TMEM117: variants seen among roughly 807,000 people sequenced by gnomAD.
TMEM117 encodes transmembrane protein 117.
In TMEM117, 27 loss-of-function variants were observed where a neutral mutation model predicts 52.4. The observed-to-expected ratio is 0.51, with a 90% CI of 0.38 to 0.71. TMEM117 has a LOEUF of 0.71. TMEM117 is among the 30% of genes least tolerant of loss of function. The pLI is 0.00. For missense variants in TMEM117, 556 were observed against 630.5 expected (o/e 0.88, Z 1.26); for synonymous variants, 215 against 206.3 (o/e 1.04, Z -0.36).
intron 6 of TMEM117, among the ~76,000 whole-genome samples, chr12:44,315,104 C>A (rs952516316): frequency 1.3e-5 from 2 of 152,014 alleles, no homozygotes; most frequent in African/African-American, 4.8e-5. Flanking sequence ...TGTAATATCA[C>A]CTTTGTTGTT....
At chr12:43,969,011 G>A (rs1417231066) in intron 3 of TMEM117, among the ~76,000 whole-genome samples, 2 of 149,084 alleles carry the variant, frequency 1.3e-5, no homozygotes, top group South Asian at 2.1e-4. Flanking sequence ...TATTGTAAGC[G>A]GAAATATAAA....
At chr12:44,254,901 A>G (rs961808160) in intron 5 of TMEM117, among the ~76,000 whole-genome samples, 1 of 151,696 alleles carries the variant, frequency 6.6e-6, no homozygotes, top group Non-Finnish European at 1.5e-5. Context: ...GAGTGAGAAC[A>G]TGCGGTGTTT....
At chr12:43,823,705 G>C in the TMEM117 span, among the ~76,000 whole-genome samples, 1 of 151,950 alleles carries the variant, frequency 6.6e-6, no homozygotes, top group Admixed American at 6.6e-5. Flanking sequence ...GTAGAGACGG[G>C]GTTTCACCAT....
At chr12:44,245,439 C>T (rs981358947) in intron 5 of TMEM117, among the ~76,000 whole-genome samples, 3 of 151,852 alleles carry the variant, frequency 2.0e-5, no homozygotes, top group Admixed American at 6.6e-5. Flanking sequence ...TACTTCTAAG[C>T]ATTTTAATTT....
the TMEM117 span, among the ~76,000 whole-genome samples, chr12:43,807,995 G>T: frequency 1.3e-5 from 2 of 152,058 alleles, no homozygotes; most frequent in Non-Finnish European, 2.9e-5. Flanking sequence ...CCTGTGTGAC[G>T]AGCTGAAAAA....
At chr12:43,898,299 T>C (rs962109115) in intron 2 of TMEM117, among the ~76,000 whole-genome samples, 25 of 151,656 alleles carry the variant, frequency 1.6e-4, no homozygotes, top group African/African-American at 5.3e-4. Flanking sequence ...GCTAGACATA[T>C]GAATGCCCTT....
chr12:44,254,811 C>G (rs972222580), intron 5 of TMEM117, among the ~76,000 whole-genome samples: 2 of 151,968 alleles, frequency 1.3e-5, no homozygotes, highest in Non-Finnish European at 2.9e-5. Flanking sequence ...CTCCCCTCTC[C>G]CCCCACCCCA....
chr12:44,106,945 T>C (rs1216915340), intron 3 of TMEM117, among the ~76,000 whole-genome samples: 3 of 152,092 alleles, frequency 2.0e-5, no homozygotes, highest in Non-Finnish European at 4.4e-5. Flanking sequence ...TTCTGTTTTA[T>C]TGCTATTATA....
the TMEM117 span, among the ~76,000 whole-genome samples, chr12:43,809,755 T>C: frequency 6.6e-6 from 1 of 152,150 alleles, no homozygotes; most frequent in Non-Finnish European, 1.5e-5. Flanking sequence ...AAGTAACCCT[T>C]TGGGTTATAA....
intron 5 of TMEM117, among the ~76,000 whole-genome samples, chr12:44,250,218 G>T (rs1032462260): frequency 1.3e-5 from 2 of 151,452 alleles, no homozygotes; most frequent in African/African-American, 4.9e-5. Context: ...CATTTATGTG[G>T]CCAACAAACA....
intron 2 of TMEM117, among the ~76,000 whole-genome samples, chr12:43,939,833 G>C (rs1945015032): frequency 6.6e-6 from 1 of 152,138 alleles, no homozygotes; most frequent in Non-Finnish European, 1.5e-5. Flanking sequence ...AGATTTAATC[G>C]ACTCTTAATT....
intron 3 of TMEM117, among the ~76,000 whole-genome samples, chr12:44,115,181 A>C (rs1197651187): frequency 1.3e-5 from 2 of 152,196 alleles, no homozygotes; most frequent in Non-Finnish European, 2.9e-5. Context: ...AATTCTCTGC[A>C]CTGTGTTTCA....
chr12:44,373,527 A>T (rs1302430460), intron 6 of TMEM117, among the ~76,000 whole-genome samples: 1 of 152,182 alleles, frequency 6.6e-6, no homozygotes. Context: ...GATAAACTTG[A>T]CCTTGAAATT....
intron 4 of TMEM117, among the ~76,000 whole-genome samples, chr12:44,174,345 A>C (rs548515623): frequency 1.3e-5 from 2 of 152,308 alleles, no homozygotes; most frequent in South Asian, 4.1e-4. Flanking sequence ...TAAAATAGCC[A>C]GTTTAGAAGT....
At chr12:44,273,630 G>A (rs1474156655) in intron 5 of TMEM117, among the ~76,000 whole-genome samples, 1 of 152,086 alleles carries the variant, frequency 6.6e-6, no homozygotes, top group African/African-American at 2.4e-5. Flanking sequence ...GACCAAGTGG[G>A]ATTTAGCCCT....
At chr12:44,024,435 T>C (rs1426126587) in intron 3 of TMEM117, among the ~76,000 whole-genome samples, 1 of 152,076 alleles carries the variant, frequency 6.6e-6, no homozygotes, top group African/African-American at 2.4e-5. Flanking sequence ...AGAGCATGGA[T>C]TGAGTGCATG....
intron 5 of TMEM117, among the ~76,000 whole-genome samples, chr12:44,238,187 AT>A (rs1950020957): frequency 6.6e-6 from 1 of 152,204 alleles, no homozygotes; most frequent in African/African-American, 2.4e-5. Context: ...CAAAACATTT[AT>A]TAGAAAAGTT....
At position 44,254,505 on chromosome 12, in the gene TMEM117, C is replaced by A. The variant is rs546154941; in HGVS notation, c.608+43118C>A. On this transcript the variant is annotated intron_variant, in intron 5 of 7. Transcript: ENST00000266534. Reference sequence around the variant, plus strand: ...TTTTACTAGAAAAGATAAAAGTAAACATTCTCATACTCTACTGCTAGAGTG... The same window carrying A: ...TTTTACTAGAAAAGATAAAAGTAAAAATTCTCATACTCTACTGCTAGAGTG... Among the ~76,000 whole-genome samples, 19 of 152,038 alleles carry A rather than the reference C, an allele frequency of 1.2e-4. No homozygotes were observed. The South Asian group carries it at 2.1e-3, about 17-fold the overall frequency.
intron 6 of TMEM117, among the ~76,000 whole-genome samples, chr12:44,332,662 C>T (rs915057740): frequency 6.6e-6 from 1 of 150,682 alleles, no homozygotes; most frequent in East Asian, 1.9e-4. Flanking sequence ...TTTTCAGAGC[C>T]AGCTTCCAGC....
Sources: gnomAD v4.1 joint callset for allele counts (sites outside exome capture counted in the v4.1 genomes callset) on GRCh38, gnomAD v4.1.1 for gene constraint, MANE v1.5 for transcripts, NCBI Gene and HGNC (gene_info 2026-07-23, HGNC 2026-07-21) for gene names.